PSMF1: variants seen among roughly 807,000 people sequenced by gnomAD.
PSMF1 encodes proteasome inhibitor PI31 subunit.
In PSMF1, 30 loss-of-function variants were observed where a neutral mutation model predicts 29.3. That is an observed-to-expected ratio of 1.02 (90% CI 0.77 to 1.39). PSMF1 has a LOEUF of 1.39. Ranked by LOEUF, PSMF1 falls within the 40% of genes most tolerant of loss-of-function variation. The pLI, the probability that PSMF1 is intolerant of heterozygous loss-of-function variation, is 0.00. For missense variants in PSMF1, 344 were observed against 357.5 expected (o/e 0.96, Z 0.31); for synonymous variants, 134 against 139.7 (o/e 0.96, Z 0.29).
intron 4 of PSMF1, among the ~76,000 whole-genome samples, chr20:1,144,936 A>C (rs1339909353): frequency 1.3e-5 from 2 of 151,986 alleles, no homozygotes; most frequent in Non-Finnish European, 2.9e-5. Context: ...CCCAGTGTGG[A>C]GTGCAGTGGT....
At chr20:1,141,023 T>A (rs1313124612) in intron 4 of PSMF1, among the ~76,000 whole-genome samples, 1 of 152,234 alleles carries the variant, frequency 6.6e-6, no homozygotes, top group Non-Finnish European at 1.5e-5. Flanking sequence ...GAAGGATTTG[T>A]TATAATGTGG....
chr20:1,130,197 T>A (rs1166313711), intron 3 of PSMF1, among the ~76,000 whole-genome samples: 1 of 152,146 alleles, frequency 6.6e-6, no homozygotes, highest in Non-Finnish European at 1.5e-5. Flanking sequence ...AGTTAGTGAT[T>A]AATGGGTACA....
chr20:1,120,184 C>T (rs908492754), intron 1 of PSMF1, among the ~76,000 whole-genome samples: 30 of 152,166 alleles, frequency 2.0e-4, no homozygotes, highest in African/African-American at 6.3e-4. Context: ...ACACAAGAAC[C>T]GTCAGGGATT....
chr20:1,129,776 A>G (rs956773130), intron 3 of PSMF1, among the ~76,000 whole-genome samples: 1 of 152,238 alleles, frequency 6.6e-6, no homozygotes, highest in Non-Finnish European at 1.5e-5. Context: ...ACAATATGAC[A>G]GTTCTTCAAA....
chr20:1,170,368 T>C lies in PSMF1; in HGVS notation c.*5288T>C, dbSNP rs1440218122. On this transcript the variant is annotated 3_prime_UTR_variant, in exon 7 of 7. Transcript: ENST00000335877. ...TTAATGGCACATTATGATTAATGCA[T>C]GCATGAACTCTGATTCGAAGTTTTC... 6.6e-6 allele frequency among the ~76,000 whole-genome samples: 1 copy of C among 152,254 alleles called. No individual in the cohort carries two copies. Among genetic ancestry groups the C allele is most frequent in the Non-Finnish European group, 1.5e-5 (1 of 68,040 alleles).
rs533708295 is a variant in PSMF1 at position 1,166,308 on chromosome 20, C to T, written c.*1228C>T. 89 of 1,566,162 alleles carry T rather than the reference C, an allele frequency of 5.7e-5. No individual in the cohort carries two copies. Among genetic ancestry groups the T allele is most frequent in the African/African-American group, 5.0e-4 (37 of 74,040 alleles). On this transcript the variant is annotated 3_prime_UTR_variant, in exon 7 of 7. Transcript: ENST00000335877. ...CGATAGAGCACCAGGCTAAGAGGCA[C>T]GAGATCAAGGCGGTAGTCACTTCCG...
chr20:1,166,439 A>T lies in PSMF1; in HGVS notation c.*1359A>T, dbSNP rs1169148280. The T allele has an allele frequency of 3.0e-6, 2 of 674,072 alleles. No homozygotes were observed. Among genetic ancestry groups the T allele is most frequent in the African/African-American group, 3.6e-5 (2 of 55,974 alleles). 41.8% of individuals were successfully genotyped at this position (674,072 alleles called of 1,614,324 possible). On this transcript the variant is annotated 3_prime_UTR_variant, in exon 7 of 7. Transcript: ENST00000335877. ...TTATTTACCTGTAGGTAAGCAAGCT[A>T]CTGTAGCTCTTCTGAGGTATCTGCC...
At chr20:1,144,239 C>T (rs1568474514) in intron 4 of PSMF1, among the ~76,000 whole-genome samples, 1 of 152,282 alleles carries the variant, frequency 6.6e-6, no homozygotes, top group South Asian at 2.1e-4. Flanking sequence ...GAGTTTCACA[C>T]CTATTAGAAT....
chr20:1,153,452 G>A (rs1568479544), intron 4 of PSMF1, among the ~76,000 whole-genome samples: 1 of 151,794 alleles, frequency 6.6e-6, no homozygotes, highest in African/African-American at 2.4e-5. Flanking sequence ...TCTCTTCTTG[G>A]GCATTCTTCT....
intron 4 of PSMF1, among the ~76,000 whole-genome samples, chr20:1,137,582 A>G (rs1469924382): frequency 6.6e-6 from 1 of 151,954 alleles, no homozygotes; most frequent in East Asian, 1.9e-4. Flanking sequence ...TATATAGGAT[A>G]AATTGACCTT....
chr20:1,128,548 A>G (rs2086189680), intron 3 of PSMF1, among the ~76,000 whole-genome samples: 2 of 152,210 alleles, frequency 1.3e-5, no homozygotes, highest in African/African-American at 4.8e-5. Context: ...TCTTTTAACT[A>G]TGTTCCACAA....
chr20:1,137,555 T>C (rs1600153256), intron 4 of PSMF1, among the ~76,000 whole-genome samples: 1 of 152,108 alleles, frequency 6.6e-6, no homozygotes, highest in Non-Finnish European at 1.5e-5. Flanking sequence ...ACATCCAAAA[T>C]TGGAATATGG....
intron 3 of PSMF1, among the ~76,000 whole-genome samples, chr20:1,128,899 G>A (rs935238895): frequency 6.6e-6 from 1 of 151,202 alleles, no homozygotes; most frequent in East Asian, 1.9e-4. Flanking sequence ...TTTTTGAGAC[G>A]GAGTCTTGCT....
In PSMF1 at chr20:1,118,783, C is replaced by G; in HGVS notation, c.10C>G (p.Leu4Val). 6.2e-7 allele frequency: 1 copy of G among 1,611,632 alleles called. No individual in the cohort carries two copies. The highest frequency in any genetic ancestry group is 8.5e-7 in the Non-Finnish European group (1 of 1,178,718). The change falls in exon 1 of 7, where the codon CTG becomes GTG. Residue 4 changes from leucine (L) to valine (V), a missense_variant. By Grantham distance (32) the Leu-to-Val change is conservative (BLOSUM62 1). Coordinates refer to ENST00000335877, the MANE Select transcript of PSMF1 (RefSeq NM_006814.5). MAG[L>V]EVLFASAAPA... ...GAAGTCGCGGGCGCTCATGGCGGGCCTGGAGGTACTGTTCGCATCGGCAGC... is the reference window on the plus strand; with the variant it reads ...GAAGTCGCGGGCGCTCATGGCGGGCGTGGAGGTACTGTTCGCATCGGCAGC...
At chr20:1,148,190 G>A (rs2122558358) in intron 4 of PSMF1, among the ~76,000 whole-genome samples, 1 of 152,320 alleles carries the variant, frequency 6.6e-6, no homozygotes, top group East Asian at 1.9e-4. Context: ...GTGATACTGG[G>A]TGCGTCTAGG....
Position 1,171,670 on chromosome 20 carries a change from CCTGGTCAGCGCCCAG to C in PSMF1, c.*6592_*6606del, listed in dbSNP as rs2086791274. 6.6e-6 allele frequency among the ~76,000 whole-genome samples: 1 copy of C among 152,158 alleles called. No individual in the cohort carries two copies. Among genetic ancestry groups the C allele is most frequent in the African/African-American group, 2.4e-5 (1 of 41,438 alleles). ...GGAAGGTGCCATACAGGTTCAGCAC[CCTGGTCAGCGCCCAG>C]CCTCCCTAAAGCCGCTGGAGGAGGC... is the stretch of plus-strand genomic sequence containing the variant. On this transcript the variant is annotated 3_prime_UTR_variant, in exon 7 of 7. Coordinates refer to ENST00000335877, the MANE Select transcript of PSMF1 (RefSeq NM_006814.5).
chr20:1,148,870 C>T (rs907936708), intron 4 of PSMF1, among the ~76,000 whole-genome samples: 9 of 152,032 alleles, frequency 5.9e-5, no homozygotes, highest in African/African-American at 1.9e-4. Context: ...CCAGAGAGCT[C>T]TTATATGGGT....
intron 1 of PSMF1, among the ~76,000 whole-genome samples, chr20:1,119,997 T>C (rs1301973550): frequency 6.6e-6 from 1 of 152,080 alleles, no homozygotes; most frequent in Non-Finnish European, 1.5e-5. Context: ...AATTCTCCCC[T>C]CCTGACATAG....
In PSMF1 at chr20:1,164,477, G is replaced by C. The variant is rs112850343; in HGVS notation, c.764+1G>C. On this transcript the variant is annotated splice_donor_variant, in intron 6 of 6. Coordinates refer to ENST00000335877, the MANE Select transcript of PSMF1 (RefSeq NM_006814.5). LOFTEE classifies it high-confidence loss of function. The surrounding 1 kb of genome is among the most constrained non-coding windows in gnomAD (Gnocchi z 4.1). ...GACCCATTGGGACCAGCCCACCCGG[G>C]TACGTAGTCACTCAGGTATGCTGAG... 6.2e-7 allele frequency: 1 copy of C among 1,614,054 alleles called. No individual in the cohort carries two copies. The highest frequency in any genetic ancestry group is 1.1e-5 in the South Asian group (1 of 91,072).
Sources: gnomAD v4.1 joint callset for allele counts (sites outside exome capture counted in the v4.1 genomes callset) on GRCh38, gnomAD v4.1.1 for gene constraint, Gnocchi (gnomAD v3.1) non-coding constraint, MANE v1.5 for transcripts, NCBI Gene and HGNC (gene_info 2026-07-23, HGNC 2026-07-21) for gene names.